DCBLD1: variants seen among roughly 807,000 people sequenced by gnomAD.
DCBLD1 encodes discoidin, CUB and LCCL domain containing 1.
In DCBLD1, 57 loss-of-function variants were observed where a neutral mutation model predicts 71.5. The observed-to-expected ratio is 0.80, with a 90% CI of 0.64 to 0.99. The LOEUF is 0.99. Among genes scored for constraint, DCBLD1 ranks in the 50% least tolerant of loss-of-function variants. The pLI, the probability that DCBLD1 is intolerant of heterozygous loss-of-function variation, is 0.00. For missense variants in DCBLD1, 891 were observed against 923.5 expected (o/e 0.96, Z 0.46); for synonymous variants, 380 against 363.8 (o/e 1.04, Z -0.51).
In DCBLD1 at chr6:117,537,407, G is replaced by A. The variant is rs190621013; in HGVS notation, c.760+182G>A. 2.4e-3 allele frequency among the ~76,000 whole-genome samples: 369 copies of A among 151,892 alleles called. 2 individuals are homozygous for A. The highest frequency in any genetic ancestry group is 7.9e-3 in the African/African-American group (328 of 41,420). On this transcript the variant is annotated intron_variant, in intron 7 of 14. Coordinates refer to ENST00000338728, the MANE Select transcript of DCBLD1 (RefSeq NM_001366458.2). ...AAATTAGCCGGGCCTGGTGGGGGGC[G>A]CCTGTAGTCCCAGCTTCTCGGGAGG...
chr6:117,547,099 C>T (rs2114573528), intron 14 of DCBLD1, among the ~76,000 whole-genome samples: 1 of 152,298 alleles, frequency 6.6e-6, no homozygotes, highest in Admixed American at 6.5e-5. Flanking sequence ...TTTTTTACCT[C>T]TCACTTTTTG....
At chr6:117,563,436 T>C in intron 14 of DCBLD1, 1 of 1,596,096 alleles carries the variant, frequency 6.3e-7, no homozygotes, top group Non-Finnish European at 8.5e-7. Context: ...AAAAAGTTGG[T>C]TTTGGTCAGG....
rs564515876 is a variant in DCBLD1 at position 117,528,766 on chromosome 6, T to C, written c.585+3332T>C. Among the ~76,000 whole-genome samples the C allele has an allele frequency of 7.9e-5, 12 of 152,332 alleles. No individual in the cohort carries two copies. In the South Asian group the frequency reaches 2.3e-3, roughly 29 times the overall value. The stretch of plus-strand genomic sequence containing the variant: ...TTTAAGTATATTTTGTTTAAGATAA[T>C]TTACTAATTAAAACCATTTGTCAGG... On this transcript the variant is annotated intron_variant, in intron 5 of 14. Coordinates refer to ENST00000338728, the MANE Select transcript of DCBLD1 (RefSeq NM_001366458.2).
chr6:117,508,626 A>G (rs1319260479), intron 2 of DCBLD1, among the ~76,000 whole-genome samples: 1 of 152,122 alleles, frequency 6.6e-6, no homozygotes, highest in Admixed American at 6.5e-5. Context: ...GAATGGACTT[A>G]GAGATTTGAA....
chr6:117,526,679 T>G (rs1429129674), intron 5 of DCBLD1, among the ~76,000 whole-genome samples: 1 of 152,226 alleles, frequency 6.6e-6, no homozygotes, highest in Non-Finnish European at 1.5e-5. Flanking sequence ...CACTATTTGC[T>G]TTTAGAATGA....
chr6:117,502,178 C>T (rs1394320110), intron 1 of DCBLD1, among the ~76,000 whole-genome samples: 3 of 152,170 alleles, frequency 2.0e-5, no homozygotes, highest in Non-Finnish European at 4.4e-5. Flanking sequence ...CGTTATCTTC[C>T]TACTCAAAAA....
intron 1 of DCBLD1, among the ~76,000 whole-genome samples, chr6:117,493,575 A>G (rs887568026): frequency 5.9e-5 from 9 of 152,366 alleles, no homozygotes; most frequent in South Asian, 2.1e-4. Flanking sequence ...GAGTATGACT[A>G]CAAAAAACTA....
At chr6:117,563,277 G>A (rs758656022) in intron 14 of DCBLD1, 2 of 1,612,988 alleles carry the variant, frequency 1.2e-6, no homozygotes, top group South Asian at 2.2e-5. Flanking sequence ...TTATGATACA[G>A]AGTGTGCAGA....
At chr6:117,537,137 G>T in intron 6 of DCBLD1, 48 bp from the exon 7 acceptor site, 2 of 1,599,318 alleles carry the variant, frequency 1.3e-6, no homozygotes, top group Non-Finnish European at 1.7e-6. Flanking sequence ...TAGTCACTAA[G>T]ATGTAGGTGA....
chr6:117,496,659 A>G (rs1777479445), intron 1 of DCBLD1, among the ~76,000 whole-genome samples: 1 of 152,052 alleles, frequency 6.6e-6, no homozygotes, highest in South Asian at 2.1e-4. Context: ...TGAATATTAG[A>G]AGAGCAAGGA....
chr6:117,558,748 G>C (rs1239321376), intron 14 of DCBLD1, among the ~76,000 whole-genome samples: 3 of 152,150 alleles, frequency 2.0e-5, no homozygotes, highest in Non-Finnish European at 4.4e-5. Context: ...AAGCTTGCCT[G>C]ACTGAACCTA....
intron 14 of DCBLD1, among the ~76,000 whole-genome samples, chr6:117,546,465 G>T (rs1455592354): frequency 1.3e-5 from 2 of 152,178 alleles, no homozygotes; most frequent in African/African-American, 4.8e-5. Flanking sequence ...CAGTGACTGG[G>T]AGTTGTCAGC....
chr6:117,484,621 C>A (rs1053099956), intron 1 of DCBLD1, among the ~76,000 whole-genome samples: 1 of 152,164 alleles, frequency 6.6e-6, no homozygotes, highest in African/African-American at 2.4e-5. Flanking sequence ...GGTGCTGGGA[C>A]TACAGGCATG....
chr6:117,544,601 A>G (rs1162932431), intron 13 of DCBLD1, 24 bp downstream of exon 13: 8 of 1,613,304 alleles, frequency 5.0e-6, no homozygotes, highest in Middle Eastern at 1.7e-4. Context: ...TCTATCTACA[A>G]TTTTATCTGT....
At chr6:117,490,899 G>T (rs576878078) in intron 1 of DCBLD1, among the ~76,000 whole-genome samples, 12 of 152,128 alleles carry the variant, frequency 7.9e-5, no homozygotes, top group Non-Finnish European at 1.6e-4. Flanking sequence ...GTGCTTAAAG[G>T]TTGAGTGTAA....
intron 11 of DCBLD1, 41 bp from the exon 12 acceptor site, chr6:117,543,083 G>T: frequency 1.3e-6 from 2 of 1,535,888 alleles, no homozygotes; most frequent in Non-Finnish European, 1.8e-6. Context: ...GTGGTTGTTG[G>T]TCATTTATGT....
intron 1 of DCBLD1, among the ~76,000 whole-genome samples, chr6:117,497,803 C>A (rs542829481): frequency 1.3e-5 from 2 of 152,218 alleles, no homozygotes; most frequent in South Asian, 4.2e-4. Flanking sequence ...TTTAGTGTTA[C>A]AAAGAATGTT....
At chr6:117,511,620 G>C (rs1490518144) in intron 2 of DCBLD1, among the ~76,000 whole-genome samples, 2 of 152,162 alleles carry the variant, frequency 1.3e-5, no homozygotes, top group African/African-American at 2.4e-5. Flanking sequence ...ATCACAACAG[G>C]TTTCTGCATG....
chr6:117,504,174 G>A (rs1315498657), intron 2 of DCBLD1, among the ~76,000 whole-genome samples, 195 bp downstream of exon 2: 1 of 152,222 alleles, frequency 6.6e-6, no homozygotes, highest in Non-Finnish European at 1.5e-5. Context: ...AAGGAGATGT[G>A]AGCCTTGTGT....
Sources: allele counts gnomAD v4.1 joint callset (sites outside exome capture counted in the v4.1 genomes callset), GRCh38; gene constraint gnomAD v4.1.1; transcripts MANE v1.5; gene names NCBI Gene and HGNC (gene_info 2026-07-23, HGNC 2026-07-21).